Variants in SASH1 observed in about 807,000 individuals in gnomAD.
SASH1 encodes the protein SAM and SH3 domain-containing protein 1.
A neutral mutation model predicts 125.2 loss-of-function variants in SASH1; 44 were observed. The observed-to-expected ratio is 0.35, with a 90% CI of 0.28 to 0.45. SASH1 has a LOEUF of 0.45. Ranked by LOEUF, SASH1 falls within the 20% of genes least tolerant of loss-of-function variation. The pLI is 1.00. For missense variants in SASH1, 1,426 were observed against 1,614.5 expected, an observed-to-expected ratio of 0.88 and a Z score of 2.00; for synonymous variants, 639 against 649.1, an observed-to-expected ratio of 0.98 and a Z score of 0.24.
rs538320752 is a variant in SASH1, at chr6:148,421,032, C to T, written c.286-19152C>T. ...CTGGGAGGCGGAGGTTGTGATGAGC[C>T]GAGATTCCGCCACTGCACTCCAGTC... On this transcript the variant is annotated intron_variant, in intron 2 of 19. Coordinates refer to ENST00000367467, the MANE Select transcript of SASH1 (RefSeq NM_015278.5). Among the ~76,000 whole-genome samples, 9 of 151,164 alleles carry T rather than the reference C, an allele frequency of 6.0e-5. No homozygotes were observed. The South Asian group carries it at 1.5e-3, about 25-fold the overall frequency.
intron 4 of SASH1, among the ~76,000 whole-genome samples, chr6:148,462,281 C>T (rs1338017455): frequency 6.6e-5 from 10 of 151,294 alleles, no homozygotes; most frequent in African/African-American, 2.4e-4. Flanking sequence ...AACCACTTTC[C>T]TTTCTTTTTC....
intron 1 of SASH1, among the ~76,000 whole-genome samples, chr6:148,300,211 C>T (rs1562313065): frequency 6.6e-6 from 1 of 152,132 alleles, no homozygotes; most frequent in Non-Finnish European, 1.5e-5. Flanking sequence ...ATCAGATTCA[C>T]AAGATGATTT....
chr6:148,208,478 G>T, the SASH1 span, among the ~76,000 whole-genome samples: 1 of 152,128 alleles, frequency 6.6e-6, no homozygotes, highest in South Asian at 2.1e-4. Context: ...CAGCATAGCA[G>T]AACTGTTATT....
chr6:148,256,999 C>T, the SASH1 span, among the ~76,000 whole-genome samples: 1 of 152,094 alleles, frequency 6.6e-6, no homozygotes, highest in Non-Finnish European at 1.5e-5. Context: ...AATAGGTGCA[C>T]ATCTCTGGAA....
At chr6:148,536,520 A>G (rs1045032493) in intron 16 of SASH1, among the ~76,000 whole-genome samples, 2 of 152,116 alleles carry the variant, frequency 1.3e-5, no homozygotes, top group African/African-American at 4.8e-5. Flanking sequence ...GTGTATTTTT[A>G]GTAGAGACGG....
intron 1 of SASH1, among the ~76,000 whole-genome samples, chr6:148,309,677 A>G (rs1488006728): frequency 6.6e-6 from 1 of 151,852 alleles, no homozygotes; most frequent in Non-Finnish European, 1.5e-5. Flanking sequence ...TAAAAAAAAA[A>G]AAAAAAAGCT....
rs192734451 is a variant in SASH1, at chr6:148,348,888, A to G, written c.156+5665A>G. On this transcript the variant is annotated intron_variant, in intron 1 of 19. Transcript: ENST00000367467. ...CCCACGGTCGCTGAGTATATACCCA[A>G]CCTCACAGGGCAGTGGGCAGAGCGC... is the stretch of plus-strand genomic sequence containing the variant. Among the ~76,000 whole-genome samples, 487 of 152,260 alleles carry G rather than the reference A, an allele frequency of 3.2e-3. 2 individuals are homozygous for G. The highest frequency in any genetic ancestry group is 0.011 in the African/African-American group (468 of 41,536).
At chr6:148,404,425 A>T (rs1784290809) in intron 2 of SASH1, among the ~76,000 whole-genome samples, 2 of 152,208 alleles carry the variant, frequency 1.3e-5, no homozygotes, top group South Asian at 4.1e-4. Context: ...CTGTTGTCTT[A>T]AAATGGGTAT....
At chr6:148,289,163 T>TAAAACAC (rs1779560512) in intron 1 of SASH1, among the ~76,000 whole-genome samples, 1 of 152,194 alleles carries the variant, frequency 6.6e-6, no homozygotes, top group South Asian at 2.1e-4. Flanking sequence ...AACAAAGCAC[T>TAAAACAC]AAAACACAAC....
rs116274498 is a variant in SASH1, at chr6:148,374,073, G to A, written c.157-16061G>A. Reference sequence around the variant, plus strand: ...TCCATCCTGACAGAATCAACTAGGCGTCTTGACAGTACATTGAATTTTTTG... The same window carrying A: ...TCCATCCTGACAGAATCAACTAGGCATCTTGACAGTACATTGAATTTTTTG... On this transcript the variant is annotated intron_variant, in intron 1 of 19. Coordinates refer to ENST00000367467, the MANE Select transcript of SASH1 (RefSeq NM_015278.5). 3.5e-3 allele frequency among the ~76,000 whole-genome samples: 528 copies of A among 152,332 alleles called. 1 individual carries two copies. Among genetic ancestry groups the A allele is most frequent in the African/African-American group, 0.012 (493 of 41,578 alleles).
intron 4 of SASH1, among the ~76,000 whole-genome samples, chr6:148,458,886 G>A (rs767567946): frequency 3.3e-5 from 5 of 151,552 alleles, no homozygotes; most frequent in East Asian, 3.9e-4. Context: ...AAGATTGCTC[G>A]ACTCCAAGAG....
intron 4 of SASH1, among the ~76,000 whole-genome samples, chr6:148,467,549 C>T (rs539714970): frequency 2.6e-5 from 4 of 152,114 alleles, no homozygotes; most frequent in African/African-American, 4.8e-5. Context: ...GAGGCAAATT[C>T]GATGCCCAGA....
At chr6:148,431,211 T>A (rs945496432) in intron 2 of SASH1, among the ~76,000 whole-genome samples, 1 of 152,118 alleles carries the variant, frequency 6.6e-6, no homozygotes, top group Admixed American at 6.5e-5. Context: ...TAGATTTTTT[T>A]TTTTTTTGAG....
chr6:148,390,166 G>T lies in SASH1; in HGVS notation c.189G>T (p.Ala63=), dbSNP rs117157370. ...CACTGGGAAACATCGATGACCTGGCGCAGCAGTATGCAGATTATTACAACA... is the reference window on the plus strand; with the variant it reads ...CACTGGGAAACATCGATGACCTGGCTCAGCAGTATGCAGATTATTACAACA... The part of the protein sequence containing the change: ...DGSLGNIDDL[A]QQYADYYNTC... The change falls in exon 2 of 20, where the codon GCG becomes GCT. Residue 63 remains alanine (A), a synonymous_variant. Transcript: ENST00000367467. The T allele has an allele frequency of 6.2e-7, 1 of 1,613,476 alleles. No individual in the cohort carries two copies. The highest frequency in any genetic ancestry group is 1.7e-5 in the Admixed American group (1 of 59,986).
the SASH1 span, among the ~76,000 whole-genome samples, chr6:148,203,143 G>A: frequency 3.0e-4 from 46 of 152,324 alleles, no homozygotes; most frequent in African/African-American, 1.1e-3. Flanking sequence ...CAGAGAAAGA[G>A]CTGGAAGTAT....
intron 8 of SASH1, chr6:148,509,405 C>G (rs1376743612): frequency 6.3e-6 from 1 of 158,314 alleles, no homozygotes; most frequent in African/African-American, 2.4e-5. Flanking sequence ...TTACGTGGCG[C>G]TGGGGGAGAT....
Position 148,519,534 on chromosome 6 carries a change from G to A in SASH1, c.863-13G>A. On this transcript the variant is annotated splice_polypyrimidine_tract_variant and intron_variant, in intron 9 of 19. Transcript: ENST00000367467. This position sits in a 1 kb window ranked among gnomAD's most constrained non-coding sequence, Gnocchi z 4.8. Reference sequence around the variant, plus strand: ...AGGTGTGTTCACAAGAGACTCTGTTGGTTTCCCTCCAGGTGGGGAGGAGCA... The same window carrying A: ...AGGTGTGTTCACAAGAGACTCTGTTAGTTTCCCTCCAGGTGGGGAGGAGCA... 1 of 1,601,468 alleles carries A rather than the reference G, an allele frequency of 6.2e-7. No individual in the cohort carries two copies.
At chr6:148,387,075 C>T (rs1248394926) in intron 1 of SASH1, among the ~76,000 whole-genome samples, 2 of 137,322 alleles carry the variant, frequency 1.5e-5, no homozygotes, top group African/African-American at 2.7e-5. Flanking sequence ...TGCTTTCTCC[C>T]TCTGTCTCTC....
chr6:148,440,112 A>T, intron 2 of SASH1, 72 bp from the exon 3 acceptor site: 1 of 1,419,840 alleles, frequency 7.0e-7, no homozygotes, highest in Non-Finnish European at 1.0e-6. Flanking sequence ...CTCTCTTCTT[A>T]CATGTCTATT....
Sources: gnomAD v4.1 joint callset for allele counts (sites outside exome capture counted in the v4.1 genomes callset) on GRCh38, gnomAD v4.1.1 for gene constraint, Gnocchi (gnomAD v3.1) non-coding constraint, MANE v1.5 for transcripts, NCBI Gene and HGNC (gene_info 2026-07-23, HGNC 2026-07-21) for gene names.